Variants in TAF3 observed in about 807,000 individuals in gnomAD.
The protein encoded by TAF3 is TATA-box binding protein associated factor 3, also known as transcription initiation factor TFIID subunit 3.
Under a neutral mutation model 80.6 loss-of-function variants are expected in TAF3, and 7 were observed. The observed-to-expected ratio is 0.09, with a 90% CI of 0.05 to 0.16. TAF3 has a LOEUF of 0.16. Ranked by LOEUF, TAF3 falls within the 10% of genes least tolerant of loss-of-function variation. The pLI is 1.00. For missense variants in TAF3, 921 were observed against 1,140.2 expected (o/e 0.81, Z 2.77); for synonymous variants, 444 against 446.1 (o/e 1.00, Z 0.06).
intron 2 of TAF3, among the ~76,000 whole-genome samples, chr10:7,842,884 A>T (rs1836932060): frequency 6.6e-6 from 1 of 152,256 alleles, no homozygotes; most frequent in Non-Finnish European, 1.5e-5. Context: ...GAAAAATCTC[A>T]GCACTGAATG....
intron 2 of TAF3, among the ~76,000 whole-genome samples, chr10:7,931,686 G>T (rs1368784359): frequency 6.6e-6 from 1 of 152,160 alleles, no homozygotes; most frequent in East Asian, 1.9e-4. Flanking sequence ...CTCATTGTAT[G>T]TTCTGCAATT....
chr10:7,922,614 T>C (rs991833046), intron 2 of TAF3, among the ~76,000 whole-genome samples: 4 of 152,068 alleles, frequency 2.6e-5, no homozygotes, highest in African/African-American at 7.2e-5. Flanking sequence ...GAGACTTGAT[T>C]GTTGACTCTG....
intron 4 of TAF3, among the ~76,000 whole-genome samples, 181 bp from the exon 5 acceptor site, chr10:8,008,897 C>T (rs1832022865): frequency 6.6e-6 from 1 of 152,214 alleles, no homozygotes; most frequent in Admixed American, 6.5e-5. Context: ...ATGAAAAATT[C>T]GTCTGAGTAA....
At chr10:7,971,211 AT>A (rs1380382618) in intron 3 of TAF3, among the ~76,000 whole-genome samples, 2 of 152,176 alleles carry the variant, frequency 1.3e-5, no homozygotes, top group Non-Finnish European at 2.9e-5. Context: ...TCTGTTTAAT[AT>A]TTTAAATAGT....
At chr10:7,945,576 T>G (rs1401895090) in intron 2 of TAF3, among the ~76,000 whole-genome samples, 1 of 152,066 alleles carries the variant, frequency 6.6e-6, no homozygotes, top group African/African-American at 2.4e-5. Context: ...AGGCCTGCCC[T>G]CGCACTGCAG....
intron 2 of TAF3, among the ~76,000 whole-genome samples, chr10:7,894,726 G>A (rs1325634506): frequency 6.6e-6 from 1 of 152,128 alleles, no homozygotes; most frequent in Non-Finnish European, 1.5e-5. Flanking sequence ...AGAACTAATG[G>A]AACTATTTTA....
chr10:7,850,033 T>A (rs1300771078), intron 2 of TAF3, among the ~76,000 whole-genome samples: 1 of 147,042 alleles, frequency 6.8e-6, no homozygotes, highest in Non-Finnish European at 1.5e-5. Flanking sequence ...TTAAAAATTG[T>A]TGGGATTCAT....
Position 7,878,297 on chromosome 10 carries a change from A to G in TAF3, c.409+53737A>G, listed in dbSNP as rs185605540. Among the ~76,000 whole-genome samples the G allele has an allele frequency of 1.5e-3, 228 of 152,334 alleles. 2 individuals carry two copies. The highest frequency in any genetic ancestry group is 5.1e-3 in the African/African-American group (213 of 41,574). On this transcript the variant is annotated intron_variant, in intron 2 of 6. Transcript: ENST00000344293. ...AGACTGGGTAAATAGATTGTGAAAT[A>G]TTATATAGCAATGAATAAAAGGCTC...
At chr10:7,898,505 C>T (rs1197451270) in intron 2 of TAF3, among the ~76,000 whole-genome samples, 1 of 148,328 alleles carries the variant, frequency 6.7e-6, no homozygotes, top group Non-Finnish European at 1.5e-5. Context: ...TAGATCACGC[C>T]ACTGCGCTCC....
intron 4 of TAF3, among the ~76,000 whole-genome samples, chr10:8,008,428 C>T (rs1433821459): frequency 3.3e-5 from 5 of 152,102 alleles, no homozygotes; most frequent in Non-Finnish European, 5.9e-5. Flanking sequence ...ACCTGGCAAT[C>T]AAAGCCAAAC....
intron 2 of TAF3, among the ~76,000 whole-genome samples, chr10:7,827,884 G>A (rs979472404): frequency 1.4e-4 from 21 of 151,914 alleles, no homozygotes; most frequent in South Asian, 2.1e-4. Context: ...TTGAGCCCAG[G>A]GGTCAAGGCT....
chr10:7,976,017 C>T (rs1831669279), intron 3 of TAF3, among the ~76,000 whole-genome samples: 1 of 152,114 alleles, frequency 6.6e-6, no homozygotes, highest in South Asian at 2.1e-4. Flanking sequence ...TGGAGATAGA[C>T]AGTAATTTGG....
At chr10:7,821,669 A>G (rs1836691910) in intron 1 of TAF3, among the ~76,000 whole-genome samples, 1 of 152,244 alleles carries the variant, frequency 6.6e-6, no homozygotes. Context: ...ATTATATGTT[A>G]AATATGTTGG....
intron 3 of TAF3, among the ~76,000 whole-genome samples, chr10:7,974,479 G>T (rs1356165535): frequency 6.6e-6 from 1 of 152,172 alleles, no homozygotes; most frequent in Admixed American, 6.5e-5. Context: ...TTTTGAAGAC[G>T]TATTTTAAAC....
intron 2 of TAF3, among the ~76,000 whole-genome samples, chr10:7,831,486 C>T (rs1836799614): frequency 6.6e-6 from 1 of 152,128 alleles, no homozygotes; most frequent in South Asian, 2.1e-4. Flanking sequence ...GCTGGGATTA[C>T]AGGCATGTGC....
intron 4 of TAF3, among the ~76,000 whole-genome samples, chr10:7,996,263 C>T (rs1431910767): frequency 3.9e-5 from 6 of 152,292 alleles, no homozygotes; most frequent in Admixed American, 2.0e-4. Context: ...TTCAAGCTCA[C>T]GCACAGCTGT....
rs573433728 is a variant in TAF3 at position 7,868,984 on chromosome 10, T to G, written c.409+44424T>G. On this transcript the variant is annotated intron_variant, in intron 2 of 6. Transcript: ENST00000344293. ...TTTTAATCATAACTCCATATTTTTT[T>G]CTAGCAAGGTCCTTCCAAGATTGGA... Among the ~76,000 whole-genome samples, 13 of 152,292 alleles carry G rather than the reference T, an allele frequency of 8.5e-5. No homozygotes were observed. The South Asian group carries it at 2.7e-3, about 32-fold the overall frequency.
At chr10:7,834,011 A>T (rs1008759525) in intron 2 of TAF3, 12 of 204,668 alleles carry the variant, frequency 5.9e-5, no homozygotes, top group Non-Finnish European at 1.0e-5. Flanking sequence ...CTTTCTATAG[A>T]GTTGTTTGGG....
chr10:7,858,498 C>T (rs369856153), intron 2 of TAF3, among the ~76,000 whole-genome samples: 10 of 152,092 alleles, frequency 6.6e-5, no homozygotes, highest in Admixed American at 2.6e-4. Flanking sequence ...TCACTAGTTC[C>T]GGATCTTACT....
Sources: gnomAD v4.1 joint callset for allele counts (sites outside exome capture counted in the v4.1 genomes callset) on GRCh38, gnomAD v4.1.1 for gene constraint, MANE v1.5 for transcripts, NCBI Gene and HGNC (gene_info 2026-07-23, HGNC 2026-07-21) for gene names.